Variants in HIVEP3 observed in about 807,000 individuals in gnomAD.
HIVEP3 encodes transcription factor HIVEP3.
A neutral mutation model predicts 152.8 loss-of-function variants in HIVEP3; 49 were observed. That is an observed-to-expected ratio of 0.32 (90% confidence interval 0.26 to 0.41). The LOEUF is 0.41. Among genes scored for constraint, HIVEP3 ranks in the 10% least tolerant of loss-of-function variants. The pLI, the probability that HIVEP3 is intolerant of heterozygous loss-of-function variation, is 1.00. For synonymous variants in HIVEP3, 1,269 were observed against 1,289.0 expected (o/e 0.98, Z 0.33); for missense variants, 2,790 against 3,103.3 (o/e 0.90, Z 2.40).
At chr1:41,834,299 ACT>A (rs941240931) in intron 1 of HIVEP3, among the ~76,000 whole-genome samples, 1 of 151,622 alleles carries the variant, frequency 6.6e-6, no homozygotes, top group Admixed American at 6.6e-5. Flanking sequence ...TGAGTAAACC[ACT>A]CTCTCAGGGG....
intron 1 of HIVEP3, among the ~76,000 whole-genome samples, chr1:41,887,384 T>C (rs1256005084): frequency 1.3e-5 from 2 of 152,258 alleles, no homozygotes; most frequent in Non-Finnish European, 2.9e-5. Context: ...TTATATTCTT[T>C]TTCTTAAAGA....
chr1:41,904,300 C>T (rs1644675260), intron 1 of HIVEP3, among the ~76,000 whole-genome samples: 1 of 152,136 alleles, frequency 6.6e-6, no homozygotes, highest in African/African-American at 2.4e-5. Context: ...CTTGGTGACC[C>T]CGGGCCAGTG....
intron 2 of HIVEP3, among the ~76,000 whole-genome samples, chr1:41,661,965 C>T (rs1645719226): frequency 6.6e-6 from 1 of 152,150 alleles, no homozygotes; most frequent in African/African-American, 2.4e-5. Context: ...CCCCTCACTC[C>T]AAGGGTCCCG....
chr1:41,581,417 G>C lies in HIVEP3; in HGVS notation c.3381C>G (p.Pro1127=), dbSNP rs757526032. The change falls in exon 4 of 9, where the codon CCC becomes CCG. Residue 1127 remains proline, a synonymous_variant. Coordinates refer to ENST00000372583, the MANE Select transcript of HIVEP3 (RefSeq NM_024503.5). The surrounding 1 kb of genome is among the most constrained non-coding windows in gnomAD (Gnocchi z 4.5). ...TCTCATGCAGGGGTGTCTGGGCAAC[G>C]GGGTGGTGGAACACTTGCAGTGCTT... ...YTEALQVFHH[P]VAQTPLHEKP... 2 of 1,599,480 alleles carry C rather than the reference G, an allele frequency of 1.3e-6. No individual in the cohort carries two copies. The highest frequency in any genetic ancestry group is 1.3e-5 in the African/African-American group (1 of 74,734).
intron 1 of HIVEP3, among the ~76,000 whole-genome samples, chr1:41,780,268 G>A (rs369263521): frequency 5.9e-5 from 9 of 151,586 alleles, no homozygotes; most frequent in Admixed American, 4.0e-4. Context: ...TTTGTGGGGC[G>A]TGGGGGTGGG....
At chr1:41,557,208 A>G (rs1293447985) in intron 5 of HIVEP3, among the ~76,000 whole-genome samples, 1 of 152,228 alleles carries the variant, frequency 6.6e-6, no homozygotes. Flanking sequence ...TAAACTATCT[A>G]TGGCATCTGT....
intron 1 of HIVEP3, among the ~76,000 whole-genome samples, chr1:41,973,046 G>GCA (rs61424124): frequency 0.032 from 4,744 of 147,158 alleles, 106 homozygotes; most frequent in African/African-American, 0.058. Flanking sequence ...ACATGTGCGT[G>GCA]CACACACACA....
intron 1 of HIVEP3, among the ~76,000 whole-genome samples, chr1:41,876,547 C>T (rs1200317544): frequency 6.6e-6 from 1 of 152,174 alleles, no homozygotes; most frequent in African/African-American, 2.4e-5. Flanking sequence ...GCTTGACAAA[C>T]ATTACTGCTA....
At chr1:41,879,607 C>T (rs1644229438) in intron 1 of HIVEP3, among the ~76,000 whole-genome samples, 1 of 152,146 alleles carries the variant, frequency 6.6e-6, no homozygotes, top group Non-Finnish European at 1.5e-5. Context: ...CCAAGGCAGT[C>T]CTCCCTTCAT....
chr1:41,781,209 C>T (rs548745856), intron 1 of HIVEP3, among the ~76,000 whole-genome samples: 30 of 152,292 alleles, frequency 2.0e-4, no homozygotes, highest in East Asian at 1.7e-3. Context: ...TTGGACCAGA[C>T]CATGCCTGAA....
intron 1 of HIVEP3, among the ~76,000 whole-genome samples, chr1:41,993,708 T>C (rs1317394140): frequency 6.6e-6 from 1 of 151,494 alleles, no homozygotes; most frequent in Non-Finnish European, 1.5e-5. Context: ...CACATATGTT[T>C]ATTGCGGCAC....
In HIVEP3 at chr1:41,583,633, T is replaced by C; in HGVS notation, c.1165A>G (p.Thr389Ala). The C allele has an allele frequency of 6.2e-7, 1 of 1,614,188 alleles. No homozygotes were observed. The highest frequency in any genetic ancestry group is 8.5e-7 in the Non-Finnish European group (1 of 1,180,020). Residue 389 changes from threonine (T) to alanine (A), a missense_variant, in exon 4 of 9, where the codon ACT (threonine) becomes GCT (alanine). Thr to Ala is a moderately conservative substitution (Grantham distance 58). Around this residue, in one of 9 missense-constraint regions of HIVEP3, gnomAD observed 134 missense variants for 242.5 expected, o/e 0.55. Transcript: ENST00000372583. The surrounding 1 kb of genome is among the most constrained non-coding windows in gnomAD (Gnocchi z 6.9). ...AFLSPGSKGS[T>A]ESGYFSRSES... Reference sequence around the variant, plus strand: ...GAGCGAGAGAAATACCCAGACTCAGTACTCCCTTTGCTGCCTGGGCTCAGA... The same window carrying C: ...GAGCGAGAGAAATACCCAGACTCAGCACTCCCTTTGCTGCCTGGGCTCAGA...
intron 1 of HIVEP3, among the ~76,000 whole-genome samples, chr1:41,994,481 C>A (rs1229651174): frequency 6.6e-6 from 1 of 152,114 alleles, no homozygotes; most frequent in Non-Finnish European, 1.5e-5. Context: ...GAACAGGTTT[C>A]CCCCATGCTG....
At chr1:41,881,859 T>C (rs1210468233) in intron 1 of HIVEP3, among the ~76,000 whole-genome samples, 1 of 152,244 alleles carries the variant, frequency 6.6e-6, no homozygotes, top group Non-Finnish European at 1.5e-5. Flanking sequence ...GAAGTTTCAC[T>C]GTAGTAAACT....
intron 1 of HIVEP3, among the ~76,000 whole-genome samples, chr1:41,774,160 C>T (rs766516890): frequency 2.6e-5 from 4 of 152,208 alleles, no homozygotes; most frequent in Non-Finnish European, 4.4e-5. Flanking sequence ...CACTCCTGCA[C>T]CTGCCTCTGC....
rs556823224 is a variant in HIVEP3, at chr1:41,585,169, C to T, written c.-372G>A. The T allele has an allele frequency of 1.5e-4, 61 of 397,976 alleles. 1 individual carries two copies. The South Asian group carries it at 2.5e-3, about 16-fold the overall frequency. 24.7% of individuals were successfully genotyped at this position (397,976 alleles called of 1,614,324 possible). ...ACGAGTCCCCCGTGTGCTATGCAAA[C>T]GGTTGAAGGTTGGAGACATCTGTGT... On this transcript the variant is annotated 5_prime_UTR_variant, in exon 4 of 9. Coordinates refer to ENST00000372583, the MANE Select transcript of HIVEP3 (RefSeq NM_024503.5).
At chr1:41,963,527 G>A (rs568538622) in intron 1 of HIVEP3, among the ~76,000 whole-genome samples, 2 of 150,300 alleles carry the variant, frequency 1.3e-5, no homozygotes, top group Non-Finnish European at 3.0e-5. Context: ...GTGGGGTGGG[G>A]GGAGCGGCGA....
upstream of HIVEP3, among the ~76,000 whole-genome samples, chr1:41,920,503 A>G (rs1256988152): frequency 1.3e-5 from 2 of 152,168 alleles, no homozygotes; most frequent in Non-Finnish European, 2.9e-5. Flanking sequence ...ATAAATTTGG[A>G]GAACTTGTTT....
chr1:41,557,679 G>A (rs377622476), intron 5 of HIVEP3, among the ~76,000 whole-genome samples: 1 of 152,112 alleles, frequency 6.6e-6, no homozygotes, highest in Admixed American at 6.5e-5. Context: ...CTCCAGGGGT[G>A]GGGGGCAGAG....
Sources: allele counts gnomAD v4.1 joint callset (sites outside exome capture counted in the v4.1 genomes callset), GRCh38; gene constraint gnomAD v4.1.1; regional missense constraint gnomAD v4.1.1; non-coding constraint Gnocchi (gnomAD v3.1); transcripts MANE v1.5; gene names NCBI Gene and HGNC (gene_info 2026-07-23, HGNC 2026-07-21).